The following ANK3 variants were observed in gnomAD, a reference collection of about 807,000 sequenced individuals.
ANK3 encodes ankyrin 3.
ANK3 carries 57 observed loss-of-function variants against 370.9 expected under a neutral mutation model. The observed-to-expected ratio is 0.15, with a 90% CI of 0.12 to 0.19. ANK3 has a LOEUF of 0.19. ANK3 is among the 10% of genes least tolerant of loss of function. The probability of loss-of-function intolerance (pLI) is 1.00; values close to 1 mark genes in which losing one functional copy is unlikely to be tolerated. For missense variants in ANK3, 4,439 were observed against 5,302.1 expected, an observed-to-expected ratio of 0.84 and a Z score of 5.06; for synonymous variants, 1,929 against 1,946.3, an observed-to-expected ratio of 0.99 and a Z score of 0.23.
chr10:60,535,294 G>C (rs2076698724), intron 2 of ANK3, among the ~76,000 whole-genome samples: 1 of 151,980 alleles, frequency 6.6e-6, no homozygotes, highest in Admixed American at 6.6e-5. Flanking sequence ...ATCCAGAAAG[G>C]GAAATTCCTC....
rs151248262 is a variant in ANK3, at chr10:60,402,146, G to A, written c.97-122507C>T. The stretch of plus-strand genomic sequence containing the variant: ...TTAAACCCAAAGTCAAAATATTCAC[G>A]ATAATATTTACCAGTGCCACATTTT... On this transcript the variant is annotated intron_variant, in intron 2 of 43. Transcript: ENST00000373827. 8.8e-3 allele frequency among the ~76,000 whole-genome samples: 1,333 copies of A among 152,078 alleles called. 20 individuals are homozygous for A. Among genetic ancestry groups the A allele is most frequent in the African/African-American group, 0.028 (1,171 of 41,472 alleles).
At chr10:60,334,454 A>G (rs902648505) in intron 1 of ANK3, among the ~76,000 whole-genome samples, 10 of 152,116 alleles carry the variant, frequency 6.6e-5, no homozygotes, top group African/African-American at 2.2e-4. Flanking sequence ...ACTTTATTAC[A>G]TATCTGCCAG....
chr10:60,334,827 TTAAAC>T (rs2052393221), intron 1 of ANK3, among the ~76,000 whole-genome samples: 1 of 152,170 alleles, frequency 6.6e-6, no homozygotes, highest in Non-Finnish European at 1.5e-5. Flanking sequence ...TTTTTTATTA[TTAAAC>T]TGGACTCCAT....
intron 2 of ANK3, among the ~76,000 whole-genome samples, chr10:60,451,566 T>C (rs1056640217): frequency 1.3e-5 from 2 of 152,168 alleles, no homozygotes; most frequent in African/African-American, 4.8e-5. Flanking sequence ...AGAAGCAAAA[T>C]GTAAGCTTCA....
At chr10:60,598,626 G>C (rs2078020053) in intron 2 of ANK3, among the ~76,000 whole-genome samples, 2 of 152,158 alleles carry the variant, frequency 1.3e-5, no homozygotes, top group Non-Finnish European at 2.9e-5. Context: ...TCCAAAGAAA[G>C]CTTTGTAAAA....
intron 1 of ANK3, among the ~76,000 whole-genome samples, chr10:60,367,213 G>T (rs967248439): frequency 6.6e-6 from 1 of 152,168 alleles, no homozygotes. Flanking sequence ...TTACATAACC[G>T]TTCCTACCAA....
At chr10:60,659,807 C>G (rs2078912941) in intron 1 of ANK3, among the ~76,000 whole-genome samples, 1 of 152,018 alleles carries the variant, frequency 6.6e-6, no homozygotes, top group Admixed American at 6.6e-5. Flanking sequence ...AAATTAAGAT[C>G]TAGAAAGCTT....
chr10:60,432,218 T>C (rs1285961996), intron 2 of ANK3, among the ~76,000 whole-genome samples: 1 of 152,244 alleles, frequency 6.6e-6, no homozygotes, highest in African/African-American at 2.4e-5. Context: ...ACAATTGCTA[T>C]TAACATATGA....
At chr10:60,552,083 T>C (rs1287462375) in intron 2 of ANK3, among the ~76,000 whole-genome samples, 3 of 152,174 alleles carry the variant, frequency 2.0e-5, no homozygotes, top group Non-Finnish European at 2.9e-5. Flanking sequence ...CCTGCACACA[T>C]GAGAGCAATG....
At chr10:60,204,278 C>T (rs1405234777) in intron 11 of ANK3, among the ~76,000 whole-genome samples, 1 of 152,108 alleles carries the variant, frequency 6.6e-6, no homozygotes, top group South Asian at 2.1e-4. Context: ...GTCTGAACTG[C>T]CTTTTAAAGC....
At chr10:60,350,422 T>C (rs999154149) in intron 1 of ANK3, among the ~76,000 whole-genome samples, 4 of 152,136 alleles carry the variant, frequency 2.6e-5, no homozygotes, top group Non-Finnish European at 4.4e-5. Flanking sequence ...TCAAGCAATA[T>C]GGGGTCTTCT....
intron 23 of ANK3, among the ~76,000 whole-genome samples, chr10:60,153,170 T>C (rs1189491042): frequency 6.6e-6 from 1 of 152,234 alleles, no homozygotes; most frequent in Non-Finnish European, 1.5e-5. Flanking sequence ...TGCAGCAGTA[T>C]GAATAAATCT....
chr10:60,264,028 T>G lies in ANK3; in HGVS notation c.514-8A>C. On this transcript the variant is annotated splice_polypyrimidine_tract_variant and splice_region_variant and intron_variant, in intron 5 of 43. Coordinates refer to ENST00000280772, the MANE Select transcript of ANK3 (RefSeq NM_020987.5). Reference sequence around the variant, plus strand: ...CAATGGTGTGAAGCCATCCTGCAAATAAATGGATGGGTCAAGATGGGCTCC... The same window carrying G: ...CAATGGTGTGAAGCCATCCTGCAAAGAAATGGATGGGTCAAGATGGGCTCC... The G allele has an allele frequency of 6.2e-7, 1 of 1,613,196 alleles. No individual in the cohort carries two copies. The highest frequency in any genetic ancestry group is 1.1e-5 in the South Asian group (1 of 91,058).
intron 2 of ANK3, among the ~76,000 whole-genome samples, chr10:60,504,372 A>G (rs905179134): frequency 7.2e-5 from 11 of 152,102 alleles, no homozygotes; most frequent in Non-Finnish European, 1.3e-4. Context: ...AAATTTAGAG[A>G]AATTAAAGGG....
intron 25 of ANK3, among the ~76,000 whole-genome samples, chr10:60,129,189 GC>G (rs762008042): frequency 6.6e-6 from 1 of 152,178 alleles, no homozygotes; most frequent in Non-Finnish European, 1.5e-5. Flanking sequence ...AGTGAGAGTT[GC>G]CTTAAATCGG....
chr10:60,140,515 A>G, intron 23 of ANK3: 1 of 1,509,790 alleles, frequency 6.6e-7, no homozygotes, highest in East Asian at 2.4e-5. Context: ...TCCTCTCAGC[A>G]TCTTGATATC....
chr10:60,643,709 C>T (rs2078668998), intron 1 of ANK3, among the ~76,000 whole-genome samples: 4 of 152,022 alleles, frequency 2.6e-5, no homozygotes. Flanking sequence ...GACATGTGAC[C>T]CCATCTCCCG....
chr10:60,419,463 A>G (rs1453105371), intron 2 of ANK3, among the ~76,000 whole-genome samples: 1 of 152,116 alleles, frequency 6.6e-6, no homozygotes, highest in Non-Finnish European at 1.5e-5. Flanking sequence ...TTGCACATAT[A>G]AAGAGCACCT....
chr10:60,399,565 C>T (rs2063313074), intron 2 of ANK3, among the ~76,000 whole-genome samples: 2 of 152,106 alleles, frequency 1.3e-5, no homozygotes, highest in African/African-American at 4.8e-5. Flanking sequence ...AGTCTTGGTC[C>T]AGTTCCTAAT....
Sources: allele counts gnomAD v4.1 joint callset (sites outside exome capture counted in the v4.1 genomes callset), GRCh38; gene constraint gnomAD v4.1.1; transcripts MANE v1.5; gene names NCBI Gene and HGNC (gene_info 2026-07-23, HGNC 2026-07-21).